RARB: variants seen among roughly 807,000 people sequenced by gnomAD.
RARB encodes HBV-activated protein.
Under a neutral mutation model 51.9 loss-of-function variants are expected in RARB, and 17 were observed. That is an observed-to-expected ratio of 0.33 (90% CI 0.22 to 0.49). The LOEUF (loss-of-function observed/expected upper bound fraction) is 0.49. RARB is among the 20% of genes least tolerant of loss of function. The pLI, the probability that RARB is intolerant of heterozygous loss-of-function variation, is 0.99. For missense variants in RARB, 369 were observed against 550.8 expected (o/e 0.67, Z 3.30); for synonymous variants, 215 against 195.4 (o/e 1.10, Z -0.84).
At chr3:25,376,397 AAAG>A (rs533490173) in intron 5 of RARB, among the ~76,000 whole-genome samples, 351 of 152,332 alleles carry the variant, frequency 2.3e-3, no homozygotes, top group African/African-American at 7.8e-3. Context: ...GTATACATCA[AAAG>A]AAGAAGTTTT....
chr3:25,153,565 A>G (rs1700327489), intron 4 of RARB, among the ~76,000 whole-genome samples: 1 of 152,216 alleles, frequency 6.6e-6, no homozygotes, highest in Non-Finnish European at 1.5e-5. Flanking sequence ...GGCCAATATA[A>G]AACAGTAATA....
At chr3:24,961,445 A>C (rs1263587651) in intron 2 of RARB, among the ~76,000 whole-genome samples, 1 of 152,244 alleles carries the variant, frequency 6.6e-6, no homozygotes, top group Non-Finnish European at 1.5e-5. Flanking sequence ...TTGATAAATC[A>C]CATTACAATT....
At chr3:25,211,883 G>C (rs1701707442) in intron 5 of RARB, among the ~76,000 whole-genome samples, 1 of 152,152 alleles carries the variant, frequency 6.6e-6, no homozygotes, top group Admixed American at 6.5e-5. Flanking sequence ...TGCAAATCAT[G>C]TTTTCTTTTT....
Position 25,594,780 on chromosome 3 carries a change from A to T in RARB, c.1150+102A>T, listed in dbSNP as rs1317411795. 6.2e-6 allele frequency: 7 copies of T among 1,122,648 alleles called. No homozygotes were observed. In the East Asian group the frequency reaches 2.0e-4, roughly 32 times the overall value. The allele number at this position is 1,122,648 out of a possible 1,614,324, so 69.5% of individuals were successfully genotyped here. ...TTCAGGATGTTTAATGGCTGCTTTT[A>T]AAGTCTTGGAACTCATTTCTCATTG... On this transcript the variant is annotated intron_variant, in intron 7 of 7. Coordinates refer to ENST00000330688, the MANE Select transcript of RARB (RefSeq NM_000965.5).
chr3:25,221,748 G>T (rs187374859), intron 5 of RARB, among the ~76,000 whole-genome samples: 1 of 151,874 alleles, frequency 6.6e-6, no homozygotes, highest in South Asian at 2.1e-4. Context: ...TCTCAAACCC[G>T]CATCTTTCAG....
At chr3:24,913,700 G>A (rs1011514919) in intron 2 of RARB, among the ~76,000 whole-genome samples, 2 of 152,044 alleles carry the variant, frequency 1.3e-5, no homozygotes, top group East Asian at 1.9e-4. Flanking sequence ...CTGTTCAATA[G>A]CCAACAAAAA....
At chr3:24,829,795 G>A (rs957039568) in intron 1 of RARB, among the ~76,000 whole-genome samples, 1 of 152,196 alleles carries the variant, frequency 6.6e-6, no homozygotes, top group Non-Finnish European at 1.5e-5. Flanking sequence ...CCTGCCAGCC[G>A]GATCCGCCCC....
chr3:25,162,872 G>C (rs1175051968), intron 4 of RARB, among the ~76,000 whole-genome samples: 2 of 152,198 alleles, frequency 1.3e-5, no homozygotes, highest in Non-Finnish European at 2.9e-5. Context: ...GAATAATGCT[G>C]CTATAAACAT....
At chr3:25,207,424 C>T (rs991984559) in intron 5 of RARB, among the ~76,000 whole-genome samples, 1 of 152,140 alleles carries the variant, frequency 6.6e-6, no homozygotes, top group Non-Finnish European at 1.5e-5. Flanking sequence ...CACATCTTAT[C>T]TTTCCTGTTT....
rs76494862 is a variant in RARB at position 24,835,057 on chromosome 3, C to A, written c.-459+5654C>A. Among the ~76,000 whole-genome samples the A allele has an allele frequency of 1.8e-3, 273 of 152,164 alleles. 1 individual carries two copies. The highest frequency in any genetic ancestry group is 6.5e-3 in the African/African-American group (268 of 41,522). On this transcript the variant is annotated intron_variant, in intron 1 of 11. Transcript: ENST00000383772. Reference sequence around the variant, plus strand: ...TTTTAAATTGTCTTTCTTCATCACTCTTATATAAGCAAAAACAAACAAAAT... The same window carrying A: ...TTTTAAATTGTCTTTCTTCATCACTATTATATAAGCAAAAACAAACAAAAT...
chr3:25,561,036 T>A (rs1337409417), intron 3 of RARB, among the ~76,000 whole-genome samples: 3 of 152,330 alleles, frequency 2.0e-5, no homozygotes, highest in African/African-American at 7.2e-5. Flanking sequence ...ATTTTTCAGA[T>A]AAGGAAACTG....
chr3:25,086,150 C>A (rs1699100617), intron 3 of RARB, among the ~76,000 whole-genome samples: 1 of 152,108 alleles, frequency 6.6e-6, no homozygotes, highest in African/African-American at 2.4e-5. Flanking sequence ...CAGAAATGGT[C>A]CATATCATAT....
chr3:25,568,031 C>T (rs1041426204), intron 3 of RARB, among the ~76,000 whole-genome samples: 4 of 152,122 alleles, frequency 2.6e-5, no homozygotes, highest in Admixed American at 1.3e-4. Context: ...TCTCACCCAG[C>T]GTCCTGCGCC....
chr3:24,847,165 A>C (rs1575033906), intron 1 of RARB, among the ~76,000 whole-genome samples: 1 of 152,192 alleles, frequency 6.6e-6, no homozygotes, highest in Admixed American at 6.5e-5. Context: ...GAGGGTGGGA[A>C]CCAGCCGTCT....
At chr3:24,968,602 C>T (rs558470021) in intron 2 of RARB, among the ~76,000 whole-genome samples, 10 of 152,070 alleles carry the variant, frequency 6.6e-5, no homozygotes, top group Non-Finnish European at 1.3e-4. Context: ...TGGTCTCACT[C>T]ACATATCTGG....
At chr3:25,159,812 C>G (rs1342723713) in intron 4 of RARB, among the ~76,000 whole-genome samples, 1 of 152,044 alleles carries the variant, frequency 6.6e-6, no homozygotes, top group Non-Finnish European at 1.5e-5. Context: ...TGTGAGGAGG[C>G]CAAACTTCAG....
In RARB at chr3:24,958,644, C is replaced by T. The variant is rs529725506; in HGVS notation, c.-380+99892C>T. Among the ~76,000 whole-genome samples the T allele has an allele frequency of 7.9e-4, 120 of 152,124 alleles. 1 individual carries two copies. Among genetic ancestry groups the T allele is most frequent in the Non-Finnish European group, 1.1e-3 (72 of 68,018 alleles). ...GGTAAACCTCATGGAGGTAACCACTCTGAGAAGCAGAGAACTAAAGCATGT... is the reference window on the plus strand; with the variant it reads ...GGTAAACCTCATGGAGGTAACCACTTTGAGAAGCAGAGAACTAAAGCATGT... On this transcript the variant is annotated intron_variant, in intron 2 of 11. Coordinates refer to the RARB transcript ENST00000383772.
chr3:25,230,831 A>G (rs1039182864), intron 5 of RARB, among the ~76,000 whole-genome samples: 1 of 152,190 alleles, frequency 6.6e-6, no homozygotes, highest in African/African-American at 2.4e-5. Flanking sequence ...GCACGTGCTC[A>G]ATAATAAAAT....
At position 25,492,982 on chromosome 3, in the gene RARB, C is replaced by CT. The variant is rs78647402; in HGVS notation, c.307-8184dup. On this transcript the variant is annotated intron_variant, in intron 2 of 7. Transcript: ENST00000330688. ...CCATGTCCTGATGGGGATTTATTAC[C>CT]TTTTTTTTTTTTTTTTAAACAAAAA... 6.2e-3 allele frequency among the ~76,000 whole-genome samples: 864 copies of CT among 140,240 alleles called. 8 individuals carry two copies. The highest frequency in any genetic ancestry group is 0.02 in the East Asian group (98 of 4,796). The allele number at this position is 140,240 out of a possible 152,430, so 92.0% of individuals were successfully genotyped here. A position where few individuals can be genotyped will look rare whatever the true frequency, so the allele number is the denominator to read the frequency against.
Sources: gnomAD v4.1 joint callset for allele counts (sites outside exome capture counted in the v4.1 genomes callset) on GRCh38, gnomAD v4.1.1 for gene constraint, MANE v1.5 for transcripts, NCBI Gene and HGNC (gene_info 2026-07-23, HGNC 2026-07-21) for gene names.